Variants in MSRB3 observed in about 807,000 individuals in gnomAD.
MSRB3 encodes the protein methionine-R-sulfoxide reductase B3.
A neutral mutation model predicts 21.0 loss-of-function variants in MSRB3; 13 were observed. The ratio of observed to expected loss-of-function variants is 0.62; its 90% CI spans 0.40 to 0.98. MSRB3 has a LOEUF of 0.98. Among genes scored for constraint, MSRB3 ranks in the 50% least tolerant of loss-of-function variants. The probability of loss-of-function intolerance (pLI) is 0.00; values close to 1 mark genes in which losing one functional copy is unlikely to be tolerated. For missense variants in MSRB3, 199 were observed against 230.3 expected, an observed-to-expected ratio of 0.86 and a Z score of 0.88; for synonymous variants, 87 against 88.6, an observed-to-expected ratio of 0.98 and a Z score of 0.10.
At position 65,327,228 on chromosome 12, in the gene MSRB3, A is replaced by AT. The variant is rs1369602547; in HGVS notation, c.185+300dup. On this transcript the variant is annotated intron_variant, in intron 3 of 6. Coordinates refer to ENST00000308259, the MANE Select transcript of MSRB3 (RefSeq NM_001031679.3). ...GTGGAAGTAACAGCGATTTAGGTAC[A>AT]TTTTTTGGGAAGACATCACAGTAAG... 2.6e-5 allele frequency among the ~76,000 whole-genome samples: 4 copies of AT among 152,330 alleles called. No homozygotes were observed. The East Asian group carries it at 5.8e-4, about 22-fold the overall frequency.
At chr12:65,335,291 T>C (rs1385018779) in intron 4 of MSRB3, among the ~76,000 whole-genome samples, 7 of 152,218 alleles carry the variant, frequency 4.6e-5, no homozygotes, top group African/African-American at 1.7e-4. Flanking sequence ...CAGGCTTTAT[T>C]AGACAGGGTC....
rs115432483 is a variant in MSRB3, at chr12:65,287,808, G to A, written c.-52+8943G>A. Among the ~76,000 whole-genome samples, 1,291 of 152,230 alleles carry A rather than the reference G, an allele frequency of 8.5e-3. 20 individuals carry two copies. Among genetic ancestry groups the A allele is most frequent in the African/African-American group, 0.03 (1,247 of 41,516 alleles). On this transcript the variant is annotated intron_variant, in intron 1 of 6. Transcript: ENST00000308259. ...TGCAGAGCCACTTGAAAAATTATAG[G>A]CTCATTTACATATTTGCATCCTTGT...
intron 1 of MSRB3, among the ~76,000 whole-genome samples, chr12:65,291,277 G>A (rs553995376): frequency 2.9e-3 from 438 of 151,836 alleles, no homozygotes; most frequent in African/African-American, 1.0e-2. Context: ...GAAGAGATGG[G>A]GTTTCTCCAT....
chr12:65,367,565 C>T (rs11175736), intron 4 of MSRB3, among the ~76,000 whole-genome samples: 2,224 of 152,268 alleles, frequency 0.015, 53 homozygotes, highest in African/African-American at 0.05. Flanking sequence ...GTTAATAAGG[C>T]ATGGCTATAG....
chr12:65,295,067 G>A (rs1409896825), intron 1 of MSRB3, among the ~76,000 whole-genome samples: 1 of 152,156 alleles, frequency 6.6e-6, no homozygotes, highest in East Asian at 1.9e-4. Context: ...CTGGCCTTAA[G>A]TGATCCTCCT....
chr12:65,464,792 C>T lies in MSRB3; in HGVS notation c.*1470C>T, dbSNP rs1248343418. ...TGGGGTGGCCCTTGTGCACAGAGCT[C>T]CAGGTGACCTCTGGAGAGACATGGG... is the stretch of plus-strand genomic sequence containing the variant. On this transcript the variant is annotated 3_prime_UTR_variant, in exon 7 of 7. Coordinates refer to ENST00000308259, the MANE Select transcript of MSRB3 (RefSeq NM_001031679.3). The T allele has an allele frequency of 6.6e-6, 1 of 152,138 alleles. No homozygotes were observed. The highest frequency in any genetic ancestry group is 1.9e-4 in the East Asian group (1 of 5,198). The allele number at this position is 152,138 out of a possible 1,614,324, so 9.4% of individuals were successfully genotyped here.
At chr12:65,453,160 C>G (rs1882932735) in intron 5 of MSRB3, among the ~76,000 whole-genome samples, 1 of 152,130 alleles carries the variant, frequency 6.6e-6, no homozygotes, top group Non-Finnish European at 1.5e-5. Flanking sequence ...GCTTCTTGCC[C>G]ATAAAAATAG....
rs557269033 is a variant in MSRB3 at position 65,440,801 on chromosome 12, GATTGTA to G, written c.293-12924_293-12919del. On this transcript the variant is annotated intron_variant, in intron 5 of 6. Coordinates refer to ENST00000308259, the MANE Select transcript of MSRB3 (RefSeq NM_001031679.3). The stretch of plus-strand genomic sequence containing the variant: ...AATATCTGAAATATATACATTGATT[GATTGTA>G]ATAACATTTTCACAATTTTTGTTAA... Among the ~76,000 whole-genome samples, 465 of 151,984 alleles carry G rather than the reference GATTGTA, an allele frequency of 3.1e-3. 1 individual carries two copies. The highest frequency in any genetic ancestry group is 5.3e-3 in the Non-Finnish European group (360 of 67,854).
At chr12:65,360,313 G>C (rs1435416209) in intron 4 of MSRB3, among the ~76,000 whole-genome samples, 1 of 151,952 alleles carries the variant, frequency 6.6e-6, no homozygotes, top group African/African-American at 2.4e-5. Context: ...TTAGCATTGT[G>C]AATTTATTCT....
Position 65,425,295 on chromosome 12 carries a change from GT to G in MSRB3, c.293-28428del, listed in dbSNP as rs199864838. The stretch of plus-strand genomic sequence containing the variant: ...TAGGCAGAATATAGTTGGGTCTTGT[GT>G]TTTTATTCATTTAGCCAATCTGTCT... On this transcript the variant is annotated intron_variant, in intron 5 of 6. Transcript: ENST00000308259. Among the ~76,000 whole-genome samples, 20 of 151,916 alleles carry G rather than the reference GT, an allele frequency of 1.3e-4. No individual in the cohort carries two copies. In the East Asian group the frequency reaches 3.9e-3, roughly 29 times the overall value.
Position 65,341,615 on chromosome 12 carries a change from C to T in MSRB3, c.263+13012C>T, listed in dbSNP as rs544416856. 5.3e-5 allele frequency among the ~76,000 whole-genome samples: 8 copies of T among 151,464 alleles called. No individual in the cohort carries two copies. In the South Asian group the frequency reaches 8.3e-4, roughly 16 times the overall value. On this transcript the variant is annotated intron_variant, in intron 4 of 6. Transcript: ENST00000308259. ...GGATAAATGCTTGCAGTAATGACCC[C>T]GATGTGGTAATTATGCATTGCATGC...
At chr12:65,419,503 G>A (rs1001239580) in intron 5 of MSRB3, 2 of 739,808 alleles carry the variant, frequency 2.7e-6, no homozygotes, top group African/African-American at 1.7e-5. Context: ...CTGGCGCATG[G>A]CCAGCTCTGT....
rs150690301 is a variant in MSRB3 at position 65,364,092 on chromosome 12, G to A, written c.264-4906G>A. Reference sequence around the variant, plus strand: ...ATTCTAATATCAGTTTTTCCCTCATGATCTAGGAATGGCTACTTCAGCTCC... The same window carrying A: ...ATTCTAATATCAGTTTTTCCCTCATAATCTAGGAATGGCTACTTCAGCTCC... On this transcript the variant is annotated intron_variant, in intron 4 of 6. Transcript: ENST00000308259. Among the ~76,000 whole-genome samples the A allele has an allele frequency of 1.7e-4, 26 of 152,186 alleles. No individual in the cohort carries two copies. In the East Asian group the frequency reaches 4.6e-3, roughly 27 times the overall value.
At chr12:65,311,674 A>G (rs1873995026) in intron 2 of MSRB3, among the ~76,000 whole-genome samples, 1 of 152,110 alleles carries the variant, frequency 6.6e-6, no homozygotes. Context: ...TTGCTTTAAT[A>G]TAATGTTGCT....
intron 4 of MSRB3, among the ~76,000 whole-genome samples, chr12:65,359,083 A>G (rs933443983): frequency 2.0e-5 from 3 of 152,026 alleles, no homozygotes; most frequent in Non-Finnish European, 4.4e-5. Flanking sequence ...TGTAATGATC[A>G]ATTTTATAAC....
chr12:65,394,490 T>C (rs1879668541), intron 5 of MSRB3, among the ~76,000 whole-genome samples: 2 of 152,206 alleles, frequency 1.3e-5, no homozygotes, highest in African/African-American at 4.8e-5. Flanking sequence ...CCAGTATCAC[T>C]TCACTGATAA....
intron 5 of MSRB3, among the ~76,000 whole-genome samples, chr12:65,431,950 T>C (rs962540145): frequency 2.6e-5 from 4 of 152,090 alleles, no homozygotes; most frequent in Admixed American, 2.0e-4. Context: ...ATATTGACAC[T>C]AACAAATTAT....
At chr12:65,345,215 A>G (rs927993253) in intron 4 of MSRB3, among the ~76,000 whole-genome samples, 5 of 152,116 alleles carry the variant, frequency 3.3e-5, no homozygotes, top group Non-Finnish European at 7.4e-5. Flanking sequence ...AATTTCAGGT[A>G]TATCAGTCTT....
Position 65,278,837 on chromosome 12 carries a change from G to C in MSRB3, c.-80G>C. The stretch of plus-strand genomic sequence containing the variant: ...TCTCCCTCTGCCTCTGCCTCTGCCT[G>C]GCCGCGGCTCTGGGAAGTGCGCAGT... On this transcript the variant is annotated 5_prime_UTR_variant, in exon 1 of 7. Coordinates refer to ENST00000308259, the MANE Select transcript of MSRB3 (RefSeq NM_001031679.3). The C allele has an allele frequency of 2.6e-6, 4 of 1,566,008 alleles. No individual in the cohort carries two copies. Among genetic ancestry groups the C allele is most frequent in the Non-Finnish European group, 3.5e-6 (4 of 1,155,234 alleles).
Sources: gnomAD v4.1 joint callset for allele counts (sites outside exome capture counted in the v4.1 genomes callset) on GRCh38, gnomAD v4.1.1 for gene constraint, MANE v1.5 for transcripts, NCBI Gene and HGNC (gene_info 2026-07-23, HGNC 2026-07-21) for gene names.